PTPRT: variants seen among roughly 807,000 people sequenced by gnomAD.
PTPRT encodes the protein receptor-type tyrosine-protein phosphatase T.
PTPRT carries 56 observed loss-of-function variants against 176.8 expected under a neutral mutation model. The observed-to-expected ratio is 0.32, with a 90% CI of 0.26 to 0.40. The LOEUF (loss-of-function observed/expected upper bound fraction) is 0.40, where lower values mean the gene tolerates loss of function less well. Ranked by LOEUF, PTPRT falls within the 10% of genes least tolerant of loss-of-function variation. The pLI, the probability that PTPRT is intolerant of heterozygous loss-of-function variation, is 1.00. For synonymous variants in PTPRT, 783 were observed against 739.0 expected (o/e 1.06, Z -0.96); for missense variants, 1,540 against 1,908.2 (o/e 0.81, Z 3.60).
In PTPRT at chr20:43,117,510, G is replaced by A. The variant is rs534690866; in HGVS notation, c.88+72136C>T. Among the ~76,000 whole-genome samples the A allele has an allele frequency of 3.9e-5, 6 of 152,188 alleles. No individual in the cohort carries two copies. The East Asian group carries it at 1.2e-3, about 30-fold the overall frequency. On this transcript the variant is annotated intron_variant, in intron 1 of 30. Coordinates refer to ENST00000373187, the MANE Select transcript of PTPRT (RefSeq NM_007050.6). The stretch of plus-strand genomic sequence containing the variant: ...CAAAAGACTTTTGAGTAGGAGGTGG[G>A]GGTCAGGTGGGTGGGGGACAGCCAA...
chr20:42,157,644 C>G (rs1472961007), intron 17 of PTPRT, among the ~76,000 whole-genome samples: 1 of 152,004 alleles, frequency 6.6e-6, no homozygotes, highest in Non-Finnish European at 1.5e-5. Flanking sequence ...ATATTTCTTG[C>G]TCTGCATGCT....
At chr20:42,288,416 T>C (rs149122019) in intron 12 of PTPRT, among the ~76,000 whole-genome samples, 9 of 152,138 alleles carry the variant, frequency 5.9e-5, no homozygotes, top group East Asian at 1.9e-4. Context: ...GAATATATTA[T>C]GGAATGCTGA....
At chr20:42,616,046 T>C (rs2074069900) in intron 7 of PTPRT, among the ~76,000 whole-genome samples, 1 of 131,380 alleles carries the variant, frequency 7.6e-6, no homozygotes, top group South Asian at 2.3e-4. Flanking sequence ...GCCTAGGTTT[T>C]CTCCTAGGGT....
intron 1 of PTPRT, among the ~76,000 whole-genome samples, chr20:43,010,831 C>A (rs1985080583): frequency 6.6e-6 from 1 of 152,012 alleles, no homozygotes; most frequent in African/African-American, 2.4e-5. Flanking sequence ...GTATTATTAC[C>A]CTCATAAAAT....
chr20:42,674,142 C>T (rs1414379737), intron 7 of PTPRT, among the ~76,000 whole-genome samples: 2 of 152,112 alleles, frequency 1.3e-5, no homozygotes, highest in African/African-American at 2.4e-5. Flanking sequence ...AGATACCAGC[C>T]CTGGAATTCT....
chr20:43,075,847 C>G (rs914801372), intron 1 of PTPRT, among the ~76,000 whole-genome samples: 1 of 152,172 alleles, frequency 6.6e-6, no homozygotes, highest in Non-Finnish European at 1.5e-5. Context: ...ATTTCTAAAG[C>G]TTTTGCATAA....
chr20:42,923,240 G>A (rs373555685), intron 1 of PTPRT, among the ~76,000 whole-genome samples: 1 of 152,256 alleles, frequency 6.6e-6, no homozygotes, highest in South Asian at 2.1e-4. Flanking sequence ...ACATAAATAA[G>A]CAAAGCCACA....
intron 2 of PTPRT, among the ~76,000 whole-genome samples, chr20:42,854,081 G>C (rs920071943): frequency 6.6e-6 from 1 of 152,108 alleles, no homozygotes; most frequent in Non-Finnish European, 1.5e-5. Flanking sequence ...TACCATTACG[G>C]CTCACAATAC....
chr20:42,664,761 G>A (rs949094446), intron 7 of PTPRT, among the ~76,000 whole-genome samples: 8 of 152,004 alleles, frequency 5.3e-5, no homozygotes, highest in Non-Finnish European at 7.4e-5. Flanking sequence ...AGTCACCAGT[G>A]GAACAGAACA....
chr20:42,470,393 G>A (rs1176143924), intron 8 of PTPRT, among the ~76,000 whole-genome samples: 1 of 152,136 alleles, frequency 6.6e-6, no homozygotes, highest in African/African-American at 2.4e-5. Flanking sequence ...TTGGCCAAAA[G>A]TTGCACCTTG....
chr20:42,513,153 C>T (rs1283991417), intron 7 of PTPRT, among the ~76,000 whole-genome samples: 2 of 151,818 alleles, frequency 1.3e-5, no homozygotes, highest in Admixed American at 6.6e-5. Context: ...AGCTACCATA[C>T]CCGACCTAAT....
rs560761230 is a variant in PTPRT at position 42,536,558 on chromosome 20, G to A, written c.1154-63996C>T. Among the ~76,000 whole-genome samples, 259 of 152,208 alleles carry A rather than the reference G, an allele frequency of 1.7e-3. 1 individual carries two copies. The highest frequency in any genetic ancestry group is 3.3e-3 in the Non-Finnish European group (224 of 67,998). On this transcript the variant is annotated intron_variant, in intron 7 of 30. Coordinates refer to ENST00000373187, the MANE Select transcript of PTPRT (RefSeq NM_007050.6). ...CCATTATTCACTTTATGGGCTATGG[G>A]AATGTCATGACTGTTCTGGGCCACT...
At position 43,083,351 on chromosome 20, in the gene PTPRT, T is replaced by TATATATAC. The variant is rs2011510773; in HGVS notation, c.88+106294_88+106295insGTATATAT. ...ATATATATATATATATATATATATA[T>TATATATAC]ATATATATATATATATATACATTTT... On this transcript the variant is annotated intron_variant, in intron 1 of 30. Coordinates refer to ENST00000373187, the MANE Select transcript of PTPRT (RefSeq NM_007050.6). Among the ~76,000 whole-genome samples the TATATATAC allele has an allele frequency of 3.2e-4, 37 of 114,272 alleles. 1 individual carries two copies. The highest frequency in any genetic ancestry group is 4.5e-4 in the Non-Finnish European group (25 of 55,060). The allele number at this position is 114,272 out of a possible 152,430, so 75.0% of individuals were successfully genotyped here.
chr20:42,753,031 T>C (rs1048027298), intron 6 of PTPRT, among the ~76,000 whole-genome samples: 2 of 152,254 alleles, frequency 1.3e-5, no homozygotes, highest in African/African-American at 4.8e-5. Context: ...AATCTGGAAG[T>C]TAGCTGACAG....
At chr20:42,086,751 A>ATATATATAT (rs58059394) in intron 27 of PTPRT, among the ~76,000 whole-genome samples, 2 of 96,580 alleles carry the variant, frequency 2.1e-5, no homozygotes, top group African/African-American at 4.9e-5. Context: ...AAAAAAAAAA[A>ATATATATAT]AAATATATAT....
In PTPRT at chr20:42,170,283, T is replaced by C. The variant is rs1990022278; in HGVS notation, c.2492-8741A>G. 2.6e-5 allele frequency among the ~76,000 whole-genome samples: 4 copies of C among 152,272 alleles called. No homozygotes were observed. The South Asian group carries it at 8.3e-4, about 32-fold the overall frequency. ...TCTAGAAGATAATACATTAACTTGC[T>C]GCTTAAGCCATTTTTATTCATTTTT... On this transcript the variant is annotated intron_variant, in intron 16 of 30. Transcript: ENST00000373187.
intron 16 of PTPRT, among the ~76,000 whole-genome samples, chr20:42,182,181 C>G (rs1271306017): frequency 8.5e-5 from 13 of 152,178 alleles, no homozygotes; most frequent in Admixed American, 8.5e-4. Flanking sequence ...TCATGTCATT[C>G]TGAGCCTTGT....
chr20:42,476,495 G>A (rs1487591482), intron 7 of PTPRT, among the ~76,000 whole-genome samples: 2 of 152,194 alleles, frequency 1.3e-5, no homozygotes, highest in Non-Finnish European at 2.9e-5. Context: ...AAGATACCAC[G>A]TGGGAACACA....
At chr20:42,107,591 G>A (rs1044266699) in intron 23 of PTPRT, among the ~76,000 whole-genome samples, 4 of 152,232 alleles carry the variant, frequency 2.6e-5, no homozygotes, top group African/African-American at 9.6e-5. Flanking sequence ...GCCTTGGCCA[G>A]CCCTTTCTAG....
Sources: allele counts gnomAD v4.1 joint callset (sites outside exome capture counted in the v4.1 genomes callset), GRCh38; gene constraint gnomAD v4.1.1; transcripts MANE v1.5; gene names NCBI Gene and HGNC (gene_info 2026-07-23, HGNC 2026-07-21).